Variants in PCDHA6 observed in about 807,000 individuals in gnomAD.
The protein encoded by PCDHA6 is protocadherin alpha-6.
PCDHA6 carries 55 observed loss-of-function variants against 60.3 expected under a neutral mutation model. The ratio of observed to expected loss-of-function variants is 0.91; its 90% CI spans 0.73 to 1.14. The LOEUF is 1.14. Among genes scored for constraint, PCDHA6 ranks in the 50% most tolerant of loss-of-function variants. PCDHA6 has a pLI of 0.00. For synonymous variants in PCDHA6, 652 were observed against 557.9 expected (o/e 1.17, Z -2.38); for missense variants, 1,327 against 1,256.5 (o/e 1.06, Z -0.85).
intron 1 of PCDHA6, among the ~76,000 whole-genome samples, chr5:140,892,088 C>T (rs782787174): frequency 1.3e-5 from 2 of 152,122 alleles, no homozygotes; most frequent in Non-Finnish European, 2.9e-5. Flanking sequence ...AGTTTCCTCT[C>T]GAAACTTTCA....
At chr5:140,958,326 A>T (rs1440413634) in intron 1 of PCDHA6, among the ~76,000 whole-genome samples, 1 of 152,150 alleles carries the variant, frequency 6.6e-6, no homozygotes, top group Non-Finnish European at 1.5e-5. Flanking sequence ...CTCAAAAAAT[A>T]AATAAATCAC....
rs2150441270 is a variant in PCDHA6, at chr5:140,849,579, G to A, written c.2394+19094G>A. ...AACGCTCTCGGTTCCTGTAAAAGAG[G>A]ACGCACAACTGGGGACAGTTATTGC... On this transcript the variant is annotated intron_variant, in intron 1 of 3. Coordinates refer to ENST00000529310, the MANE Select transcript of PCDHA6 (RefSeq NM_018909.4). 7 of 1,598,680 alleles carry A rather than the reference G, an allele frequency of 4.4e-6. 3 individuals carry two copies. The highest frequency in any genetic ancestry group is 2.2e-5 in the South Asian group (2 of 90,552).
chr5:140,982,666 T>G (rs2096995489), intron 3 of PCDHA6, 103 bp downstream of exon 3: 4 of 1,467,448 alleles, frequency 2.7e-6, no homozygotes. Context: ...TTCTTTTATA[T>G]TTTTGTTATT....
chr5:140,869,679 G>A, intron 1 of PCDHA6: 1 of 1,613,452 alleles, frequency 6.2e-7, no homozygotes, highest in Non-Finnish European at 8.5e-7. Flanking sequence ...TTAAAAGACT[G>A]TCACTTATTT....
At chr5:140,868,256 T>TGG (rs2050360583) in intron 1 of PCDHA6, 1 of 152,126 alleles carries the variant, frequency 6.6e-6, no homozygotes, top group Non-Finnish European at 1.5e-5. Context: ...TTTTCCTTTG[T>TGG]GGATTCTTTT....
At chr5:140,991,411 C>G (rs905076175) in intron 3 of PCDHA6, among the ~76,000 whole-genome samples, 8 of 152,156 alleles carry the variant, frequency 5.3e-5, no homozygotes, top group Admixed American at 5.2e-4. Flanking sequence ...TCCCATTATG[C>G]TATAACAAAT....
intron 1 of PCDHA6, among the ~76,000 whole-genome samples, chr5:140,924,769 C>T (rs988519447): frequency 1.3e-5 from 2 of 151,766 alleles, no homozygotes; most frequent in Admixed American, 6.6e-5. Flanking sequence ...GTGGTGCGCG[C>T]TTGTAGTCCT....
chr5:140,913,824 TC>T, intron 1 of PCDHA6, among the ~76,000 whole-genome samples: 1 of 152,216 alleles, frequency 6.6e-6, no homozygotes, highest in Middle Eastern at 3.2e-3. Context: ...CTTTTAAATT[TC>T]TTTATTGACC....
At position 140,835,844 on chromosome 5, in the gene PCDHA6, C is replaced by T. The variant is rs2150246309; in HGVS notation, c.2394+5359C>T. The T allele has an allele frequency of 8.1e-6, 13 of 1,612,362 alleles. No homozygotes were observed. The Admixed American group carries it at 1.0e-4, about 12-fold the overall frequency. On this transcript the variant is annotated intron_variant, in intron 1 of 3. Coordinates refer to ENST00000529310, the MANE Select transcript of PCDHA6 (RefSeq NM_018909.4). Reference sequence around the variant, plus strand: ...CGGGGGACGCGGACGCGCAGAAGAACGCGCTGGTGTCCTACTCGCTGGTGG... The same window carrying T: ...CGGGGGACGCGGACGCGCAGAAGAATGCGCTGGTGTCCTACTCGCTGGTGG...
chr5:140,928,043 C>A (rs1554205400), intron 1 of PCDHA6: 1 of 1,614,192 alleles, frequency 6.2e-7, no homozygotes, highest in Non-Finnish European at 8.5e-7. Context: ...AGTGCAGGCC[C>A]TTTTCAGCTG....
intron 1 of PCDHA6, chr5:140,968,996 G>T: frequency 1.2e-6 from 2 of 1,614,202 alleles, no homozygotes; most frequent in Non-Finnish European, 1.7e-6. Flanking sequence ...ATGCTGTGGA[G>T]GCTTCTGTGG....
chr5:141,001,269 C>A (rs536985121), intron 3 of PCDHA6, among the ~76,000 whole-genome samples: 2 of 152,152 alleles, frequency 1.3e-5, no homozygotes, highest in East Asian at 3.9e-4. Context: ...CTCTTATGAA[C>A]TTTTTTTACG....
intron 1 of PCDHA6, among the ~76,000 whole-genome samples, chr5:140,955,549 C>T (rs1216178805): frequency 6.6e-6 from 1 of 152,140 alleles, no homozygotes; most frequent in Non-Finnish European, 1.5e-5. Context: ...TTCTTGAGGC[C>T]TCCCCAGCCA....
chr5:140,864,004 A>G (rs1042382501), intron 1 of PCDHA6: 4 of 153,124 alleles, frequency 2.6e-5, no homozygotes, highest in Non-Finnish European at 4.4e-5. Context: ...CTGTCTTAAA[A>G]AAAAAAGTAC....
At chr5:140,990,084 C>T (rs31873) in intron 3 of PCDHA6, among the ~76,000 whole-genome samples, 3,615 of 152,028 alleles carry the variant, frequency 0.024, 147 homozygotes, top group African/African-American at 0.081. Flanking sequence ...ACAAAGGATG[C>T]TTGTGCTACT....
intron 1 of PCDHA6, chr5:140,871,680 A>G: frequency 9.0e-7 from 1 of 1,108,842 alleles, no homozygotes; most frequent in Admixed American, 3.1e-5. Flanking sequence ...AATCATATGA[A>G]TAATCTGGCT....
intron 1 of PCDHA6, among the ~76,000 whole-genome samples, chr5:140,962,051 T>G (rs1352018533): frequency 6.6e-6 from 1 of 151,838 alleles, no homozygotes; most frequent in East Asian, 1.9e-4. Context: ...GCCTGGCTAA[T>G]TTTTTTGTAT....
At chr5:140,958,199 A>G (rs2095413345) in intron 1 of PCDHA6, among the ~76,000 whole-genome samples, 1 of 152,140 alleles carries the variant, frequency 6.6e-6, no homozygotes, top group Non-Finnish European at 1.5e-5. Context: ...GGTCTAGTAT[A>G]CAAGGGAATT....
chr5:140,842,268 A>T, intron 1 of PCDHA6: 1 of 1,610,534 alleles, frequency 6.2e-7, no homozygotes, highest in Non-Finnish European at 8.5e-7. Context: ...GAAAACTTAT[A>T]CAAAATCCTC....
Sources: gnomAD v4.1 joint callset for allele counts (sites outside exome capture counted in the v4.1 genomes callset) on GRCh38, gnomAD v4.1.1 for gene constraint, MANE v1.5 for transcripts, NCBI Gene and HGNC (gene_info 2026-07-23, HGNC 2026-07-21) for gene names.